The following UBAP2 variants were observed in gnomAD, a reference collection of about 807,000 sequenced individuals.
The protein encoded by UBAP2 is ubiquitin associated protein 2.
A neutral mutation model predicts 139.6 loss-of-function variants in UBAP2; 75 were observed. The observed-to-expected ratio is 0.54, with a 90% CI of 0.45 to 0.65. The LOEUF (loss-of-function observed/expected upper bound fraction) is 0.65. Among genes scored for constraint, UBAP2 ranks in the 30% least tolerant of loss-of-function variants. The pLI, the probability that UBAP2 is intolerant of heterozygous loss-of-function variation, is 0.00. For synonymous variants in UBAP2, 526 were observed against 526.2 expected (o/e 1.00, Z 0.01); for missense variants, 1,368 against 1,369.6 (o/e 1.00, Z 0.02).
Position 33,948,614 on chromosome 9 carries a change from T to G in UBAP2, c.1057-27A>C, listed in dbSNP as rs776545065. ...TTTAAAAGGGGGATAAAAGAACAAATCCTCAACAATACAGAATTTCTGCCC... is the reference window on the plus strand; with the variant it reads ...TTTAAAAGGGGGATAAAAGAACAAAGCCTCAACAATACAGAATTTCTGCCC... On this transcript the variant is annotated intron_variant, in intron 12 of 28. Transcript: ENST00000379238. 1.9e-6 allele frequency: 3 copies of G among 1,596,328 alleles called. 1 individual carries two copies. The South Asian group carries it at 3.3e-5, about 18-fold the overall frequency.
intron 2 of UBAP2, among the ~76,000 whole-genome samples, chr9:34,012,000 AC>A (rs1285780271): frequency 1.5e-5 from 2 of 129,628 alleles, no homozygotes; most frequent in Non-Finnish European, 3.4e-5. Context: ...ATAAACATTA[AC>A]AGTCTACTAA....
intron 13 of UBAP2, among the ~76,000 whole-genome samples, chr9:33,947,714 A>G (rs1006685985): frequency 1.3e-5 from 2 of 151,988 alleles, no homozygotes; most frequent in Non-Finnish European, 2.9e-5. Flanking sequence ...AGTCCCACCT[A>G]CTAGAGAGGC....
At chr9:33,941,607 A>G (rs750999640) in intron 16 of UBAP2, 42 bp downstream of exon 16, 1 of 1,511,844 alleles carries the variant, frequency 6.6e-7, no homozygotes. Context: ...ATTTCCAAAT[A>G]AGACGGACAT....
At chr9:33,976,294 A>G (rs1002549521) in intron 6 of UBAP2, among the ~76,000 whole-genome samples, 1 of 152,240 alleles carries the variant, frequency 6.6e-6, no homozygotes, top group African/African-American at 2.4e-5. Context: ...ATACAACATT[A>G]TATTATATTG....
intron 1 of UBAP2, among the ~76,000 whole-genome samples, chr9:34,039,402 C>T (rs1418287869): frequency 6.6e-6 from 1 of 151,962 alleles, no homozygotes; most frequent in Non-Finnish European, 1.5e-5. Context: ...GCGGTTTTGT[C>T]GAATAGAAAA....
chr9:34,016,937 A>C, intron 2 of UBAP2, 113 bp downstream of exon 2: 3 of 736,514 alleles, frequency 4.1e-6, no homozygotes, highest in East Asian at 5.7e-5. Flanking sequence ...GCTCTCCCTT[A>C]ATTTCCTTAA....
intron 1 of UBAP2, among the ~76,000 whole-genome samples, chr9:34,033,086 T>A (rs1365889517): frequency 6.6e-6 from 1 of 152,148 alleles, no homozygotes; most frequent in African/African-American, 2.4e-5. Flanking sequence ...AAAATTGAGC[T>A]ACCATATGAT....
At chr9:33,996,000 G>T in intron 4 of UBAP2, 1 of 450,580 alleles carries the variant, frequency 2.2e-6, no homozygotes. Flanking sequence ...GGCTGGAGTA[G>T]ATCACCAAGT....
chr9:33,926,677 C>A lies in UBAP2; in HGVS notation c.2464-13G>T, dbSNP rs368180112. On this transcript the variant is annotated splice_polypyrimidine_tract_variant and intron_variant, in intron 21 of 28. Coordinates refer to ENST00000379238, the MANE Select transcript of UBAP2 (RefSeq NM_001370062.2). ...CATAGCCATAGATCTGTGTGAGAAC[C>A]AGAAAGTGTATTTTAGGAACCACAT... 3.7e-6 allele frequency: 6 copies of A among 1,614,054 alleles called. No individual in the cohort carries two copies. In the African/African-American group the frequency reaches 8.0e-5, roughly 22 times the overall value.
intron 15 of UBAP2, 55 bp from the exon 16 acceptor site, chr9:33,941,917 A>T (rs1825249175): frequency 5.7e-6 from 5 of 869,608 alleles, no homozygotes; most frequent in Middle Eastern, 3.4e-4. Flanking sequence ...TAGCTTCATA[A>T]AAAAAAAAAA....
At position 33,953,403 on chromosome 9, in the gene UBAP2, G is replaced by T. The variant is rs764292665; in HGVS notation, c.938C>A (p.Thr313Asn). ...SQASEANSFE[T>N]SQQQGFGQAL... ...TTGGCCAAAGCCCTGCTGTTGGGAA[G>T]TTTCAAAGGAGTTGGCTTCTGAGGC... The change falls in exon 12 of 29, where the codon ACT (threonine) becomes AAT (asparagine). Residue 313 changes from threonine (T) to asparagine (N), a missense_variant. By Grantham distance (65) the Thr-to-Asn change is moderately conservative (BLOSUM62 0). Coordinates refer to ENST00000379238, the MANE Select transcript of UBAP2 (RefSeq NM_001370062.2). 6.2e-7 allele frequency: 1 copy of T among 1,614,220 alleles called. No individual in the cohort carries two copies. Among genetic ancestry groups the T allele is most frequent in the East Asian group, 2.2e-5 (1 of 44,882 alleles).
In UBAP2 at chr9:33,926,092, G is replaced by A. The variant is rs1306273208; in HGVS notation, c.2511+525C>T. Among the ~76,000 whole-genome samples the A allele has an allele frequency of 2.0e-5, 3 of 152,196 alleles. No individual in the cohort carries two copies. In the East Asian group the frequency reaches 5.8e-4, roughly 29 times the overall value. ...CAACCACCAGGGACGTCCCAGGGCA[G>A]GCATTCTCACAAATCTAGATGGGAG... is the stretch of plus-strand genomic sequence containing the variant. On this transcript the variant is annotated intron_variant, in intron 22 of 28. Transcript: ENST00000379238.
Position 33,927,697 on chromosome 9 carries a change from G to T in UBAP2, c.2371+100C>A, listed in dbSNP as rs972421543. 6.2e-6 allele frequency: 8 copies of T among 1,291,846 alleles called. No individual in the cohort carries two copies. In the African/African-American group the frequency reaches 1.0e-4, roughly 17 times the overall value. 80.0% of individuals were successfully genotyped at this position (1,291,846 alleles called of 1,614,324 possible). On this transcript the variant is annotated intron_variant, in intron 20 of 28. Coordinates refer to ENST00000379238, the MANE Select transcript of UBAP2 (RefSeq NM_001370062.2). ...GTGGAACACGCAGCGCACTCGGCGG[G>T]CCTGAGACTCTCCTGACACCTGCAC...
intron 2 of UBAP2, among the ~76,000 whole-genome samples, chr9:34,015,208 T>C (rs1276132793): frequency 6.6e-6 from 1 of 152,252 alleles, no homozygotes; most frequent in Non-Finnish European, 1.5e-5. Context: ...ATGTATATAA[T>C]GCTTAATTTT....
Position 34,017,083 on chromosome 9 carries a change from T to C in UBAP2, c.66A>G (p.Ala22=). 6.2e-7 allele frequency: 1 copy of C among 1,611,512 alleles called. No individual in the cohort carries two copies. The highest frequency in any genetic ancestry group is 8.5e-7 in the Non-Finnish European group (1 of 1,179,354). ...GAREKPQISA[A]QSTQPQKQVV... ...CTTGTTTCTGTGGTTGCGTTGATTG[T>C]GCTGCTGAAATCTGTGGTTTTTCCC... Residue 22 remains alanine, a synonymous_variant, in exon 2 of 29, where the codon GCA becomes GCG. Coordinates refer to ENST00000379238, the MANE Select transcript of UBAP2 (RefSeq NM_001370062.2).
At chr9:34,007,019 T>C (rs1419477688) in intron 2 of UBAP2, among the ~76,000 whole-genome samples, 1 of 152,204 alleles carries the variant, frequency 6.6e-6, no homozygotes, top group Non-Finnish European at 1.5e-5. Flanking sequence ...TTGTTGTTGA[T>C]TTTGTATCCT....
intron 1 of UBAP2, among the ~76,000 whole-genome samples, chr9:34,021,785 C>T (rs1824965804): frequency 6.6e-6 from 1 of 152,066 alleles, no homozygotes; most frequent in South Asian, 2.1e-4. Flanking sequence ...AGACGCCTGC[C>T]ACCACGCCCG....
chr9:34,012,175 C>T (rs1453696338), intron 2 of UBAP2, among the ~76,000 whole-genome samples: 1 of 152,072 alleles, frequency 6.6e-6, no homozygotes, highest in African/African-American at 2.4e-5. Context: ...GGAATTTTCA[C>T]ATAAATTCAC....
chr9:34,040,852 T>A (rs1207338764), intron 1 of UBAP2, among the ~76,000 whole-genome samples: 1 of 152,118 alleles, frequency 6.6e-6, no homozygotes, highest in African/African-American at 2.4e-5. Context: ...TTTGAGAAAA[T>A]AGTAACTCAA....
Sources: gnomAD v4.1 joint callset for allele counts (sites outside exome capture counted in the v4.1 genomes callset) on GRCh38, gnomAD v4.1.1 for gene constraint, MANE v1.5 for transcripts, NCBI Gene and HGNC (gene_info 2026-07-23, HGNC 2026-07-21) for gene names.